The following ZGRF1 variants were observed in gnomAD, a reference collection of about 807,000 sequenced individuals.
ZGRF1 encodes zinc finger GRF-type containing 1.
ZGRF1 carries 196 observed loss-of-function variants against 203.5 expected under a neutral mutation model. The observed-to-expected ratio is 0.96, with a 90% confidence interval of 0.86 to 1.08. The LOEUF is 1.08. ZGRF1 is among the 50% of genes least tolerant of loss of function. The pLI, the probability that ZGRF1 is intolerant of heterozygous loss-of-function variation, is 0.00. For missense variants in ZGRF1, 2,326 were observed against 2,416.3 expected (o/e 0.96, Z 0.78); for synonymous variants, 809 against 841.3 (o/e 0.96, Z 0.66).
rs1745461640 is a variant in ZGRF1 at position 112,577,487 on chromosome 4, T to C, written c.4438+4176A>G. Among the ~76,000 whole-genome samples the C allele has an allele frequency of 1.6e-5, 2 of 122,244 alleles. 1 individual carries two copies. The highest frequency in any genetic ancestry group is 5.7e-5 in the African/African-American group (2 of 35,126). The allele number at this position is 122,244 out of a possible 152,430, so 80.2% of individuals were successfully genotyped here. ...CAATTAAAAGACACAGACTGGCAAATTGGATAAAGACTCAAGATCCATCAG... is the reference window on the plus strand; with the variant it reads ...CAATTAAAAGACACAGACTGGCAAACTGGATAAAGACTCAAGATCCATCAG... On this transcript the variant is annotated intron_variant, in intron 16 of 27. Coordinates refer to ENST00000505019, the MANE Select transcript of ZGRF1 (RefSeq NM_018392.5).
chr4:112,596,624 C>T lies in ZGRF1; in HGVS notation c.2977-6750G>A, dbSNP rs367565526. Among the ~76,000 whole-genome samples the T allele has an allele frequency of 1.6e-4, 24 of 152,008 alleles. No homozygotes were observed. In the East Asian group the frequency reaches 3.5e-3, roughly 22 times the overall value. On this transcript the variant is annotated intron_variant, in intron 10 of 27. Coordinates refer to ENST00000505019, the MANE Select transcript of ZGRF1 (RefSeq NM_018392.5). The stretch of plus-strand genomic sequence containing the variant: ...TTTTTTGTTGTTGGAAACTGGGTCT[C>T]ACTCTGTTGCCCAAGCTGGAGGGCA...
At chr4:112,595,378 A>T (rs559254186) in intron 10 of ZGRF1, among the ~76,000 whole-genome samples, 16 of 152,360 alleles carry the variant, frequency 1.1e-4, no homozygotes, top group Admixed American at 2.0e-4. Context: ...AAAAATTATT[A>T]TGTTCAAAGA....
In ZGRF1 at chr4:112,585,526, G is replaced by C; in HGVS notation, c.4101+15C>G. 1 of 1,598,330 alleles carries C rather than the reference G, an allele frequency of 6.3e-7. No individual in the cohort carries two copies. Among genetic ancestry groups the C allele is most frequent in the Non-Finnish European group, 8.5e-7 (1 of 1,172,602 alleles). ...CAAGTATTTGGTATGGTAGGGGGAG[G>C]GGAAGCAAGAATACCTTATTTGGAC... On this transcript the variant is annotated intron_variant, in intron 14 of 27. Coordinates refer to ENST00000505019, the MANE Select transcript of ZGRF1 (RefSeq NM_018392.5).
chr4:112,631,913 A>G lies in ZGRF1; in HGVS notation c.102+17T>C. On this transcript the variant is annotated intron_variant, in intron 3 of 27. Coordinates refer to ENST00000505019, the MANE Select transcript of ZGRF1 (RefSeq NM_018392.5). ...AACCTTGCTCTTGCACCCTATAGTC[A>G]ACTGCTTTGTACTCACTTTGTTTCC... The G allele has an allele frequency of 6.7e-7, 1 of 1,497,644 alleles. No individual in the cohort carries two copies. The highest frequency in any genetic ancestry group is 9.1e-7 in the Non-Finnish European group (1 of 1,104,368). The allele number at this position is 1,497,644 out of a possible 1,614,324, so 92.8% of individuals were successfully genotyped here. A position where few individuals can be genotyped will look rare whatever the true frequency, so the allele number is the denominator to read the frequency against.
intron 7 of ZGRF1, chr4:112,610,594 A>G (rs1188870294): frequency 6.6e-6 from 1 of 152,398 alleles, no homozygotes; most frequent in Non-Finnish European, 1.5e-5. Flanking sequence ...AAAAGAAAAA[A>G]AAAAGAAAAT....
chr4:112,592,096 CTTTTTT>C, intron 10 of ZGRF1, among the ~76,000 whole-genome samples: 1 of 128,578 alleles, frequency 7.8e-6, no homozygotes, highest in South Asian at 2.5e-4. Flanking sequence ...CTCATTCATT[CTTTTTT>C]TTTTTTTTTT....
intron 16 of ZGRF1, among the ~76,000 whole-genome samples, chr4:112,570,818 G>C (rs1280360161): frequency 6.6e-6 from 1 of 151,970 alleles, no homozygotes; most frequent in Non-Finnish European, 1.5e-5. Flanking sequence ...AAAATAGAGT[G>C]GTAGGCCAGG....
At chr4:112,602,553 T>A (rs1047969145) in intron 10 of ZGRF1, among the ~76,000 whole-genome samples, 2 of 152,228 alleles carry the variant, frequency 1.3e-5, no homozygotes, top group African/African-American at 4.8e-5. Flanking sequence ...AACATAAGTA[T>A]GTCACGCATG....
rs146326435 is a variant in ZGRF1 at position 112,539,535 on chromosome 4, C to T, written c.*12G>A. 4.9e-6 allele frequency: 6 copies of T among 1,216,842 alleles called. No individual in the cohort carries two copies. In the East Asian group the frequency reaches 1.3e-4, roughly 26 times the overall value. The allele number at this position is 1,216,842 out of a possible 1,614,324, so 75.4% of individuals were successfully genotyped here. A position where few individuals can be genotyped will look rare whatever the true frequency, so the allele number is the denominator to read the frequency against. On this transcript the variant is annotated 3_prime_UTR_variant, in exon 28 of 28. Transcript: ENST00000505019. ...AATTTACATAAATACAAAATATTTACACCATGTCTTTTTATGAATGAGATT... is the reference window on the plus strand; with the variant it reads ...AATTTACATAAATACAAAATATTTATACCATGTCTTTTTATGAATGAGATT...
At chr4:112,611,298 G>A (rs1315517767) in intron 7 of ZGRF1, among the ~76,000 whole-genome samples, 1 of 152,216 alleles carries the variant, frequency 6.6e-6, no homozygotes, top group South Asian at 2.1e-4. Context: ...AGCTACTTGG[G>A]AGGCTGGGGC....
At chr4:112,585,453 C>G in intron 14 of ZGRF1, 88 bp downstream of exon 14, 1 of 1,042,944 alleles carries the variant, frequency 9.6e-7, no homozygotes, top group Non-Finnish European at 1.3e-6. Flanking sequence ...TCAAGACTCA[C>G]TCTTTAAGCT....
intron 8 of ZGRF1, among the ~76,000 whole-genome samples, chr4:112,607,214 T>C (rs1194005290): frequency 6.6e-6 from 1 of 152,168 alleles, no homozygotes; most frequent in Non-Finnish European, 1.5e-5. Flanking sequence ...AGCCTTGACC[T>C]CTGGGATCAA....
At chr4:112,547,869 T>C (rs1187361942) in intron 23 of ZGRF1, among the ~76,000 whole-genome samples, 3 of 152,202 alleles carry the variant, frequency 2.0e-5, no homozygotes, top group Non-Finnish European at 4.4e-5. Flanking sequence ...ATATCAAATC[T>C]GAACTCCATT....
At chr4:112,628,181 A>G (rs933155852) in intron 3 of ZGRF1, among the ~76,000 whole-genome samples, 1 of 152,230 alleles carries the variant, frequency 6.6e-6, no homozygotes, top group Admixed American at 6.5e-5. Flanking sequence ...CCTTGAAGAC[A>G]AGAATTCTAA....
Position 112,539,939 on chromosome 4 carries a change from C to T in ZGRF1, c.6096G>A (p.Arg2032=). The T allele has an allele frequency of 1.2e-6, 2 of 1,613,852 alleles. No homozygotes were observed. Among genetic ancestry groups the T allele is most frequent in the Non-Finnish European group, 1.7e-6 (2 of 1,179,782 alleles). The change falls in exon 27 of 28, where the codon AGG becomes AGA. Residue 2032 remains arginine, a synonymous_variant. Transcript: ENST00000505019. ...CTAAATTTCCCACAATCAACAAATG[C>T]CTCTTTCCTCTAGTCAATGCAACAT... ...RMNVALTRGK[R]HLLIVGNLAC...
At chr4:112,559,446 C>T (rs976409051) in intron 19 of ZGRF1, among the ~76,000 whole-genome samples, 3 of 152,134 alleles carry the variant, frequency 2.0e-5, no homozygotes, top group Non-Finnish European at 4.4e-5. Context: ...GCGAGCTACC[C>T]TCCCTGACCT....
intron 15 of ZGRF1, among the ~76,000 whole-genome samples, chr4:112,583,016 T>C (rs770297493): frequency 6.6e-6 from 1 of 152,224 alleles, no homozygotes; most frequent in African/African-American, 2.4e-5. Flanking sequence ...AAGAATGGGA[T>C]TGCTGGATCA....
chr4:112,587,749 C>T lies in ZGRF1; in HGVS notation c.3308G>A (p.Cys1103Tyr). 1 of 1,560,382 alleles carries T rather than the reference C, an allele frequency of 6.4e-7. No homozygotes were observed. The highest frequency in any genetic ancestry group is 8.7e-7 in the Non-Finnish European group (1 of 1,151,444). ...AAACGAAAGAACTGCTGACTTTTCA[C>T]ACAAATTGAGCATGGGGGAGCCAGA... ...ESSGSPMLNL[C>Y]EKSAVLSFSI... The change falls in exon 12 of 28, where the codon TGT becomes TAT. Residue 1103 changes from cysteine (C) to tyrosine (Y), a missense_variant. By Grantham distance (194) the Cys-to-Tyr change is radical. Coordinates refer to ENST00000505019, the MANE Select transcript of ZGRF1 (RefSeq NM_018392.5).
chr4:112,583,518 T>C (rs1314619567), intron 15 of ZGRF1, among the ~76,000 whole-genome samples: 1 of 152,192 alleles, frequency 6.6e-6, no homozygotes, highest in African/African-American at 2.4e-5. Context: ...TAAAGACTTA[T>C]TCCCTGGCCG....
Sources: gnomAD v4.1 joint callset for allele counts (sites outside exome capture counted in the v4.1 genomes callset) on GRCh38, gnomAD v4.1.1 for gene constraint, MANE v1.5 for transcripts, NCBI Gene and HGNC (gene_info 2026-07-23, HGNC 2026-07-21) for gene names.